The following PIK3R6 variants were observed in gnomAD, a reference collection of about 807,000 sequenced individuals.
The protein encoded by PIK3R6 is phosphoinositide 3-kinase regulatory subunit 6.
PIK3R6 carries 91 observed loss-of-function variants against 84.9 expected under a neutral mutation model. That is an observed-to-expected ratio of 1.07 (90% CI 0.90 to 1.28). PIK3R6 has a LOEUF of 1.28. Among genes scored for constraint, PIK3R6 ranks in the 50% most tolerant of loss-of-function variants. The probability of loss-of-function intolerance (pLI) is 0.00; values close to 1 mark genes in which losing one functional copy is unlikely to be tolerated. For synonymous variants in PIK3R6, 416 were observed against 411.4 expected, an observed-to-expected ratio of 1.01 and a Z score of -0.13; for missense variants, 996 against 985.1, an observed-to-expected ratio of 1.01 and a Z score of -0.15.
chr17:8,855,834 T>C (rs902192374), intron 1 of PIK3R6, among the ~76,000 whole-genome samples: 1 of 152,232 alleles, frequency 6.6e-6, no homozygotes, highest in African/African-American at 2.4e-5. Flanking sequence ...CCTAGCTTTT[T>C]CCTCCAGAGA....
At chr17:8,837,781 T>G (rs1460856895) in intron 5 of PIK3R6, 22 bp downstream of exon 5, 1 of 1,604,368 alleles carries the variant, frequency 6.2e-7, no homozygotes, top group Non-Finnish European at 8.5e-7. Context: ...CACTACCACC[T>G]CGACCTCAGT....
At chr17:8,834,156 CAA>C (rs71135927) in intron 8 of PIK3R6, among the ~76,000 whole-genome samples, 213 of 46,448 alleles carry the variant, frequency 4.6e-3, no homozygotes, top group Non-Finnish European at 4.7e-3. Flanking sequence ...GACTTCGTCT[CAA>C]AAAAAAAAAA....
At chr17:8,845,674 C>T (rs371965397) in intron 2 of PIK3R6, among the ~76,000 whole-genome samples, 11 of 152,188 alleles carry the variant, frequency 7.2e-5, no homozygotes, top group East Asian at 5.8e-4. Context: ...AGGCCAGGCA[C>T]GGTGGCTCAT....
At chr17:8,857,900 C>CAAA (rs531309380) in intron 1 of PIK3R6, among the ~76,000 whole-genome samples, 80 of 93,910 alleles carry the variant, frequency 8.5e-4, no homozygotes, top group African/African-American at 2.8e-3. Flanking sequence ...AACTCTGTCT[C>CAAA]AAAAAAAAAA....
At chr17:8,815,998 A>T (rs2087526770) in intron 18 of PIK3R6, among the ~76,000 whole-genome samples, 1 of 152,212 alleles carries the variant, frequency 6.6e-6, no homozygotes, top group Admixed American at 6.5e-5. Context: ...CTGTTGGCAA[A>T]AACAAATTCA....
chr17:8,837,919 C>A, intron 4 of PIK3R6, 48 bp from the exon 5 acceptor site: 1 of 1,539,484 alleles, frequency 6.5e-7, no homozygotes, highest in Non-Finnish European at 9.0e-7. Flanking sequence ...GGGGAATCCC[C>A]ACTTCATAGC....
In PIK3R6 at chr17:8,828,125, AC is replaced by A; in HGVS notation, c.1378del (p.Val460CysfsTer25). 1 of 1,613,868 alleles carries A rather than the reference AC, an allele frequency of 6.2e-7. No homozygotes were observed. Among genetic ancestry groups the A allele is most frequent in the Non-Finnish European group, 8.5e-7 (1 of 1,179,840 alleles). ...RLSLQLYYIPVLAPEKPAASR... is the reference protein window; with the variant it reads ...RLSLQLYYIPXLAPEKPAASR... ...CGGTCCAGTCACCTCAGGCGCCAGC[AC>A]GGGGATGTAGTAGAGCTGCAGGCTG... On this transcript the variant is annotated frameshift_variant, in exon 12 of 20. Transcript: ENST00000619866. LOFTEE classifies it high-confidence loss of function.
chr17:8,829,036 G>C, intron 10 of PIK3R6, 46 bp from the exon 11 acceptor site: 1 of 1,472,992 alleles, frequency 6.8e-7, no homozygotes, highest in Non-Finnish European at 9.0e-7. Context: ...AGGCTGGCAG[G>C]GCTACGTTTC....
chr17:8,833,492 G>C (rs2088333507), intron 8 of PIK3R6, among the ~76,000 whole-genome samples: 1 of 151,372 alleles, frequency 6.6e-6, no homozygotes, highest in Non-Finnish European at 1.5e-5. Flanking sequence ...GGATACAGCA[G>C]CAAACAAAAG....
At chr17:8,840,899 C>T (rs753846619) in intron 2 of PIK3R6, among the ~76,000 whole-genome samples, 9 of 151,268 alleles carry the variant, frequency 5.9e-5, no homozygotes, top group Non-Finnish European at 1.0e-4. Flanking sequence ...ACTACAGGCG[C>T]CTGCCACCAC....
At chr17:8,848,768 C>A (rs1282275716) in intron 2 of PIK3R6, among the ~76,000 whole-genome samples, 1 of 152,136 alleles carries the variant, frequency 6.6e-6, no homozygotes, top group East Asian at 1.9e-4. Flanking sequence ...TATTGTAACA[C>A]CAGGATTCAC....
Position 8,849,770 on chromosome 17 carries a change from C to G in PIK3R6, c.13+12G>C, listed in dbSNP as rs781493649. 6.2e-7 allele frequency: 1 copy of G among 1,611,520 alleles called. No homozygotes were observed. Among genetic ancestry groups the G allele is most frequent in the African/African-American group, 1.3e-5 (1 of 74,890 alleles). ...CAGGCTCACTAGACCCCTTTCCCCC[C>G]ACCACACTGACCTGAGCTCTCCATG... On this transcript the variant is annotated intron_variant, in intron 2 of 19. Transcript: ENST00000619866.
At chr17:8,811,380 T>C (rs2087353997) in intron 18 of PIK3R6, among the ~76,000 whole-genome samples, 1 of 148,644 alleles carries the variant, frequency 6.7e-6, no homozygotes, top group East Asian at 2.2e-4. Context: ...CTGGAGACAT[T>C]TTCCCCATTG....
chr17:8,819,472 C>T (rs570645305), intron 17 of PIK3R6, among the ~76,000 whole-genome samples: 1 of 151,996 alleles, frequency 6.6e-6, no homozygotes, highest in East Asian at 1.9e-4. Context: ...TCATTATCTC[C>T]TCCTGCAACC....
At chr17:8,821,191 C>A (rs909365472) in intron 17 of PIK3R6, among the ~76,000 whole-genome samples, 1 of 152,142 alleles carries the variant, frequency 6.6e-6, no homozygotes, top group Non-Finnish European at 1.5e-5. Flanking sequence ...CCGGGGGAGG[C>A]AGTGGTAAGG....
intron 7 of PIK3R6, 52 bp downstream of exon 7, chr17:8,836,495 G>A: frequency 1.9e-6 from 3 of 1,595,928 alleles, no homozygotes; most frequent in Non-Finnish European, 2.6e-6. Context: ...AGTCACTAAA[G>A]CCACAACAGT....
chr17:8,807,531 G>A (rs1205783244), intron 18 of PIK3R6, among the ~76,000 whole-genome samples: 1 of 152,174 alleles, frequency 6.6e-6, no homozygotes, highest in African/African-American at 2.4e-5. Flanking sequence ...AAAGCATTAG[G>A]AAAGGCCTCC....
At position 8,828,718 on chromosome 17, in the gene PIK3R6, C is replaced by G; in HGVS notation, c.1162G>C (p.Asp388His). 6.2e-7 allele frequency: 1 copy of G among 1,609,780 alleles called. No homozygotes were observed. Among genetic ancestry groups the G allele is most frequent in the Non-Finnish European group, 8.5e-7 (1 of 1,178,094 alleles). ...CTCCGGTGCAGCCCTGGGGGCCCGT[C>G]CCAGCTGCCAGGCATCAAGAAGTCC... ...PLDFLMPGSW[D>H]GPPGLHRRTG... Residue 388 changes from aspartate to histidine, a missense_variant, in exon 11 of 20, where the codon GAC becomes CAC. Physicochemically the swap from Asp to His is moderately conservative, Grantham distance 81 (BLOSUM62 -1). Transcript: ENST00000619866.
Position 8,821,855 on chromosome 17 carries a change from C to T in PIK3R6, c.1870G>A (p.Asp624Asn), listed in dbSNP as rs147551553. The stretch of plus-strand genomic sequence containing the variant: ...ATTCCCCATTCCTCACCTTCTGTGT[C>T]GCTGGCTGGAATGGCCTTCAGGATC... ...GLILKAIPAS[D>N]TEVSGSSHCP... The change falls in exon 17 of 20, where the codon GAC (aspartate) becomes AAC (asparagine). Residue 624 changes from aspartate (D) to asparagine (N), a missense_variant. Physicochemically the swap from Asp to Asn is conservative, Grantham distance 23. Coordinates refer to ENST00000619866, the MANE Select transcript of PIK3R6 (RefSeq NM_001010855.4). 917 of 1,594,652 alleles carry T rather than the reference C, an allele frequency of 5.8e-4. 6 individuals carry two copies. The East Asian group carries it at 0.012, about 21-fold the overall frequency.
Sources: gnomAD v4.1 joint callset for allele counts (sites outside exome capture counted in the v4.1 genomes callset) on GRCh38, gnomAD v4.1.1 for gene constraint, MANE v1.5 for transcripts, NCBI Gene and HGNC (gene_info 2026-07-23, HGNC 2026-07-21) for gene names.